FOLR2: variants seen among roughly 807,000 people sequenced by gnomAD.
The protein encoded by FOLR2 is folate receptor beta.
FOLR2 carries 14 observed loss-of-function variants against 20.4 expected under a neutral mutation model. That is an observed-to-expected ratio of 0.68 (90% CI 0.45 to 1.07). The LOEUF is 1.07. Among genes scored for constraint, FOLR2 ranks in the 50% least tolerant of loss-of-function variants. The pLI is 0.00. For missense variants in FOLR2, 269 were observed against 322.6 expected (o/e 0.83, Z 1.27); for synonymous variants, 114 against 114.3 (o/e 1.00, Z 0.02).
At chr11:72,217,068 AG>A in intron 1 of FOLR2, 143 bp downstream of exon 1, 2 of 974,032 alleles carry the variant, frequency 2.1e-6, no homozygotes, top group South Asian at 3.1e-5. Flanking sequence ...TCTGTCACCC[AG>A]GCTGGAGTGC....
At chr11:72,217,485 C>G in intron 1 of FOLR2, 1 of 927,450 alleles carries the variant, frequency 1.1e-6, no homozygotes, top group Non-Finnish European at 1.5e-6. Context: ...CCATTATCCA[C>G]TCTTTAGTGA....
intron 2 of FOLR2, among the ~76,000 whole-genome samples, chr11:72,219,984 G>A (rs1480968760): frequency 1.3e-5 from 2 of 151,922 alleles, no homozygotes; most frequent in Admixed American, 6.6e-5. Context: ...AGTAGCTGGG[G>A]CACCCGCCAC....
chr11:72,221,063 G>A lies in FOLR2; in HGVS notation c.339+5G>A, dbSNP rs749773371. 1.2e-6 allele frequency: 2 copies of A among 1,603,350 alleles called. No homozygotes were observed. Among genetic ancestry groups the A allele is most frequent in the African/African-American group, 1.3e-5 (1 of 74,568 alleles). The stretch of plus-strand genomic sequence containing the variant: ...CTGGGGCCCTGGATCCAGCAGGTAG[G>A]GTGTCTCCCCCCCACCCACCCCAGC... On this transcript the variant is annotated splice_donor_5th_base_variant and intron_variant, in intron 3 of 4. Coordinates refer to ENST00000298223, the MANE Select transcript of FOLR2 (RefSeq NM_000803.5).
In FOLR2 at chr11:72,221,628, C is replaced by T; in HGVS notation, c.634C>T (p.Gln212Ter). 1 of 1,614,182 alleles carries T rather than the reference C, an allele frequency of 6.2e-7. No individual in the cohort carries two copies. Among genetic ancestry groups the T allele is most frequent in the Non-Finnish European group, 8.5e-7 (1 of 1,180,028 alleles). Residue 212 changes from glutamine to a stop codon, truncating the protein, a stop_gained, in exon 5 of 5, where the codon CAG becomes TAG. Transcript: ENST00000298223. LOFTEE classifies it low-confidence loss of function (END_TRUNC). Reference protein sequence around the residue: ...RCIQMWFDSAQGNPNEEVARF... With the variant: ...RCIQMWFDSA ...CATCCAGATGTGGTTTGATTCAGCC[C>T]AGGGCAACCCCAACGAGGAAGTGGC...
Position 72,218,558 on chromosome 11 carries a change from T to A in FOLR2, c.-24-3T>A, listed in dbSNP as rs567002005. On this transcript the variant is annotated splice_polypyrimidine_tract_variant and splice_region_variant and intron_variant, in intron 1 of 4. Coordinates refer to ENST00000298223, the MANE Select transcript of FOLR2 (RefSeq NM_000803.5). ...CCCTCAGGACTTGGTTTCCCTACCC[T>A]AGCTCCGCCTGCAGGGACAGAAAGA... 6.2e-7 allele frequency: 1 copy of A among 1,608,386 alleles called. No individual in the cohort carries two copies. The highest frequency in any genetic ancestry group is 1.3e-5 in the African/African-American group (1 of 74,994).
intron 1 of FOLR2, among the ~76,000 whole-genome samples, chr11:72,218,217 G>GCTC (rs1023715779): frequency 2.0e-5 from 3 of 152,158 alleles, no homozygotes; most frequent in African/African-American, 7.2e-5. Context: ...TGTGTCCCTG[G>GCTC]CTCTGTTCAG....
chr11:72,217,784 G>T (rs1392954057), intron 1 of FOLR2, among the ~76,000 whole-genome samples: 1 of 152,066 alleles, frequency 6.6e-6, no homozygotes, highest in Admixed American at 6.5e-5. Flanking sequence ...ACCAGTCACC[G>T]GAGCAGTGTA....
Position 72,221,783 on chromosome 11 carries a change from C to A in FOLR2, c.*21C>A, listed in dbSNP as rs757413250. On this transcript the variant is annotated 3_prime_UTR_variant, in exon 5 of 5. Coordinates refer to ENST00000298223, the MANE Select transcript of FOLR2 (RefSeq NM_000803.5). Reference sequence around the variant, plus strand: ...GCTGAGTTCAGTCCTCCCAGACTACCTGCCCTCAGCTTGGATAACCAGGCT... The same window carrying A: ...GCTGAGTTCAGTCCTCCCAGACTACATGCCCTCAGCTTGGATAACCAGGCT... 3.1e-6 allele frequency: 5 copies of A among 1,603,942 alleles called. No homozygotes were observed. The East Asian group carries it at 1.1e-4, about 36-fold the overall frequency.
In FOLR2 at chr11:72,221,309, C is replaced by G; in HGVS notation, c.473C>G (p.Ser158Ter). The G allele has an allele frequency of 6.2e-7, 1 of 1,613,466 alleles. No individual in the cohort carries two copies. The highest frequency in any genetic ancestry group is 8.5e-7 in the Non-Finnish European group (1 of 1,179,596). The change falls in exon 4 of 5, where the codon TCA (serine) becomes TGA (stop). Residue 158 changes from serine (S) to a stop codon, truncating the protein, a stop_gained and splice_region_variant. Transcript: ENST00000298223. LOFTEE classifies it low-confidence loss of function (END_TRUNC). Reference sequence around the variant, plus strand: ...TGGCACAGAGGATGGGACTGGACCTCAGGTGAGGGTGATTGAGTTGGGGTT... The same window carrying G: ...TGGCACAGAGGATGGGACTGGACCTGAGGTGAGGGTGATTGAGTTGGGGTT... Reference protein sequence around the residue: ...SNWHRGWDWTSGVNKCPAGAL... With the variant: ...SNWHRGWDWT
At chr11:72,217,477 A>G in intron 1 of FOLR2, 7 of 973,538 alleles carry the variant, frequency 7.2e-6, no homozygotes, top group East Asian at 6.0e-5. Flanking sequence ...AGCAGTATCC[A>G]TTATCCACTC....
Position 72,221,873 on chromosome 11 carries a change from C to G in FOLR2, c.*111C>G, listed in dbSNP as rs1227727256. On this transcript the variant is annotated 3_prime_UTR_variant, in exon 5 of 5. Transcript: ENST00000298223. ...ATGCTTCTATTAGTCACCTAACCCT[C>G]TGTCACCCAGTCTGTTGCTGCTCCA... is the stretch of plus-strand genomic sequence containing the variant. The G allele has an allele frequency of 9.9e-7, 1 of 1,006,402 alleles. No homozygotes were observed. Among genetic ancestry groups the G allele is most frequent in the East Asian group, 2.6e-5 (1 of 38,364 alleles). 62.3% of individuals were successfully genotyped at this position (1,006,402 alleles called of 1,614,324 possible).
Position 72,221,654 on chromosome 11 carries a change from G to C in FOLR2, c.660G>C (p.Ala220=), listed in dbSNP as rs1803567. ...SAQGNPNEEV[A]RFYAAAMHVN... ...AGGGCAACCCCAACGAGGAAGTGGC[G>C]AGGTTCTATGCTGCAGCCATGCATG... Residue 220 remains alanine, a synonymous_variant, in exon 5 of 5, where the codon GCG becomes GCC. Transcript: ENST00000298223. 9.9e-6 allele frequency: 16 copies of C among 1,614,076 alleles called. No individual in the cohort carries two copies. The highest frequency in any genetic ancestry group is 2.7e-5 in the African/African-American group (2 of 74,924).
At position 72,221,067 on chromosome 11, in the gene FOLR2, T is replaced by TCGGGGGGGGGGCG; in HGVS notation, c.339+10_339+11insGGGGGGGGGGCGC. 7 of 1,570,090 alleles carry TCGGGGGGGGGGCG rather than the reference T, an allele frequency of 4.5e-6. No homozygotes were observed. Among genetic ancestry groups the TCGGGGGGGGGGCG allele is most frequent in the Non-Finnish European group, 5.2e-6 (6 of 1,154,886 alleles). ...GGCCCTGGATCCAGCAGGTAGGGTGTCTCCCCCCCACCCACCCCAGCAGAC... is the reference window on the plus strand; with the variant it reads ...GGCCCTGGATCCAGCAGGTAGGGTGTCGGGGGGGGGGCGCTCCCCCCCACCCACCCCAGCAGAC... On this transcript the variant is annotated intron_variant, in intron 3 of 4. Transcript: ENST00000298223.
chr11:72,221,607 C>G lies in FOLR2; in HGVS notation c.613C>G (p.Gln205Glu). 6.2e-7 allele frequency: 1 copy of G among 1,614,182 alleles called. No homozygotes were observed. The highest frequency in any genetic ancestry group is 8.5e-7 in the Non-Finnish European group (1 of 1,180,032). The stretch of plus-strand genomic sequence containing the variant: ...CAGCCGAGGGAGCGGCCGCTGCATC[C>G]AGATGTGGTTTGATTCAGCCCAGGG... ...NYSRGSGRCI[Q>E]MWFDSAQGNP... The change falls in exon 5 of 5, where the codon CAG becomes GAG. Residue 205 changes from glutamine to glutamate, a missense_variant. By Grantham distance (29) the Gln-to-Glu change is conservative (BLOSUM62 2). Coordinates refer to ENST00000298223, the MANE Select transcript of FOLR2 (RefSeq NM_000803.5).
intron 2 of FOLR2, among the ~76,000 whole-genome samples, chr11:72,219,748 T>A (rs1039034800): frequency 1.3e-5 from 2 of 152,212 alleles, no homozygotes; most frequent in African/African-American, 4.8e-5. Flanking sequence ...TTTCATGGTA[T>A]TTGCAGTCCT....
At position 72,221,582 on chromosome 11, in the gene FOLR2, C is replaced by T. The variant is rs751561354; in HGVS notation, c.588C>T (p.Tyr196=). 5 of 1,614,098 alleles carry T rather than the reference C, an allele frequency of 3.1e-6. No individual in the cohort carries two copies. Among genetic ancestry groups the T allele is most frequent in the Non-Finnish European group, 4.2e-6 (5 of 1,180,044 alleles). Residue 196 remains tyrosine, a synonymous_variant, in exon 5 of 5, where the codon TAC becomes TAT. Coordinates refer to ENST00000298223, the MANE Select transcript of FOLR2 (RefSeq NM_000803.5). ...GTCACTCATACAAGGTCAGCAACTA[C>T]AGCCGAGGGAGCGGCCGCTGCATCC... ...LWSHSYKVSN[Y]SRGSGRCIQM... is the part of the protein sequence containing the mutation.
chr11:72,221,069 T>TACCCC lies in FOLR2; in HGVS notation c.339+11_339+12insACCCC. On this transcript the variant is annotated intron_variant, in intron 3 of 4. Coordinates refer to ENST00000298223, the MANE Select transcript of FOLR2 (RefSeq NM_000803.5). Reference sequence around the variant, plus strand: ...CCCTGGATCCAGCAGGTAGGGTGTCTCCCCCCCACCCACCCCAGCAGACTG... The same window carrying TACCCC: ...CCCTGGATCCAGCAGGTAGGGTGTCTACCCCCCCCCCCACCCACCCCAGCAGACTG... The TACCCC allele has an allele frequency of 4.2e-6, 3 of 717,298 alleles. No individual in the cohort carries two copies. The highest frequency in any genetic ancestry group is 1.4e-5 in the South Asian group (1 of 69,402). The allele number at this position is 717,298 out of a possible 1,614,324, so 44.4% of individuals were successfully genotyped here.
chr11:72,217,897 G>C (rs184979750), intron 1 of FOLR2, among the ~76,000 whole-genome samples: 1 of 152,276 alleles, frequency 6.6e-6, no homozygotes, highest in East Asian at 1.9e-4. Context: ...GAGAGGTAGG[G>C]TGAGGTCTGC....
intron 2 of FOLR2, among the ~76,000 whole-genome samples, chr11:72,219,750 T>C (rs1948452376): frequency 6.6e-6 from 1 of 152,212 alleles, no homozygotes; most frequent in Non-Finnish European, 1.5e-5. Flanking sequence ...TCATGGTATT[T>C]GCAGTCCTGG....
Sources: allele counts gnomAD v4.1 joint callset (sites outside exome capture counted in the v4.1 genomes callset), GRCh38; gene constraint gnomAD v4.1.1; transcripts MANE v1.5; gene names NCBI Gene and HGNC (gene_info 2026-07-23, HGNC 2026-07-21).